Variants in NYAP2 observed in about 807,000 individuals in gnomAD.
NYAP2 encodes the protein neuronal tyrosine-phosphorylated phosphoinositide-3-kinase adaptor 2.
NYAP2 carries 23 observed loss-of-function variants against 50.4 expected under a neutral mutation model. The ratio of observed to expected loss-of-function variants is 0.46; its 90% confidence interval spans 0.33 to 0.65. The LOEUF is 0.65. Among genes scored for constraint, NYAP2 ranks in the 30% least tolerant of loss-of-function variants. The pLI is 0.02. For missense variants in NYAP2, 885 were observed against 861.0 expected (o/e 1.03, Z -0.35); for synonymous variants, 394 against 365.2 (o/e 1.08, Z -0.90).
At chr2:225,635,652 T>C (rs1028680406) in intron 6 of NYAP2, among the ~76,000 whole-genome samples, 1 of 152,206 alleles carries the variant, frequency 6.6e-6, no homozygotes, top group African/African-American at 2.4e-5. Context: ...AGTGCGACAA[T>C]GTATGCTTCA....
intron 3 of NYAP2, among the ~76,000 whole-genome samples, chr2:225,492,009 T>C (rs370675153): frequency 6.6e-6 from 1 of 151,946 alleles, no homozygotes; most frequent in African/African-American, 2.4e-5. Flanking sequence ...ACCCAAGGGG[T>C]GTGGGCTGAG....
intron 5 of NYAP2, among the ~76,000 whole-genome samples, chr2:225,619,219 C>A (rs1387292100): frequency 6.6e-6 from 1 of 152,148 alleles, no homozygotes; most frequent in East Asian, 1.9e-4. Flanking sequence ...GGTTCAGGAA[C>A]CTTGACTAAG....
At chr2:225,666,049 C>A in the NYAP2 span, among the ~76,000 whole-genome samples, 1 of 151,958 alleles carries the variant, frequency 6.6e-6, no homozygotes, top group East Asian at 1.9e-4. Context: ...ACCTTAGATG[C>A]CACAGCTCTG....
At chr2:225,621,061 C>T (rs1436936446) in intron 5 of NYAP2, among the ~76,000 whole-genome samples, 1 of 147,520 alleles carries the variant, frequency 6.8e-6, no homozygotes, top group Admixed American at 6.9e-5. Flanking sequence ...TTGCGGTGAG[C>T]TGAGATCGTG....
chr2:225,627,085 G>A, exon 6 of NYAP2: 5 of 1,595,382 alleles, frequency 3.1e-6, no homozygotes, highest in Non-Finnish European at 4.3e-6. Context: ...CTAGGAAGAT[G>A]CTCTGTGAGC....
intron 5 of NYAP2, among the ~76,000 whole-genome samples, chr2:225,621,878 C>CT (rs1431862373): frequency 6.6e-5 from 10 of 151,960 alleles, no homozygotes; most frequent in Non-Finnish European, 1.3e-4. Context: ...GCCAGAGTTC[C>CT]TTTTTTTGTA....
chr2:225,422,639 C>T (rs1361529905), intron 3 of NYAP2, among the ~76,000 whole-genome samples: 2 of 151,888 alleles, frequency 1.3e-5, no homozygotes, highest in East Asian at 3.9e-4. Context: ...CACACCATTA[C>T]CAACAGTGTC....
At chr2:225,425,082 G>A (rs886781399) in intron 3 of NYAP2, among the ~76,000 whole-genome samples, 3 of 151,964 alleles carry the variant, frequency 2.0e-5, no homozygotes, top group African/African-American at 7.3e-5. Context: ...AAAAGAAATA[G>A]AGCTTTCAGA....
At chr2:225,404,681 A>T (rs1694911029) in intron 2 of NYAP2, among the ~76,000 whole-genome samples, 1 of 152,034 alleles carries the variant, frequency 6.6e-6, no homozygotes, top group South Asian at 2.1e-4. Flanking sequence ...TGTGGTCAAC[A>T]TGATGTAAAT....
rs571691112 is a variant in NYAP2 at position 225,473,259 on chromosome 2, C to T, written c.222-40112C>T. On this transcript the variant is annotated intron_variant, in intron 3 of 6. Coordinates refer to ENST00000636099, the Ensembl canonical transcript of NYAP2. ...GTCTTTGCTATTGTGAATAGTGCCA[C>T]AATAAACATACGTGTGCATGTGTCT... Among the ~76,000 whole-genome samples the T allele has an allele frequency of 2.1e-3, 314 of 152,272 alleles. 2 individuals are homozygous for T. Among genetic ancestry groups the T allele is most frequent in the African/African-American group, 7.1e-3 (293 of 41,536 alleles).
At chr2:225,422,487 A>T (rs917477735) in intron 3 of NYAP2, among the ~76,000 whole-genome samples, 3 of 152,162 alleles carry the variant, frequency 2.0e-5, no homozygotes, top group Admixed American at 6.6e-5. Context: ...AAACAGGTAA[A>T]AGGGAAGAAT....
intron 5 of NYAP2, among the ~76,000 whole-genome samples, chr2:225,615,778 A>C (rs995253392): frequency 2.6e-5 from 4 of 152,190 alleles, no homozygotes; most frequent in African/African-American, 7.2e-5. Context: ...AAGTTTACCT[A>C]CAAGCCCAGG....
Position 225,611,972 on chromosome 2 carries a change from C to T in NYAP2, c.1619-14945C>T, listed in dbSNP as rs191240098. Reference sequence around the variant, plus strand: ...CACTTGTCTTTTATAAAAAATCAATCCAAAAAAATTTCAGAGTAAACTGCT... The same window carrying T: ...CACTTGTCTTTTATAAAAAATCAATTCAAAAAAATTTCAGAGTAAACTGCT... On this transcript the variant is annotated intron_variant, in intron 5 of 6. Transcript: ENST00000636099. Among the ~76,000 whole-genome samples the T allele has an allele frequency of 4.7e-3, 699 of 150,122 alleles. 10 individuals are homozygous for T. Among genetic ancestry groups the T allele is most frequent in the African/African-American group, 0.017 (676 of 40,776 alleles).
intron 4 of NYAP2, among the ~76,000 whole-genome samples, chr2:225,564,697 A>C (rs989176175): frequency 1.3e-5 from 2 of 151,634 alleles, no homozygotes; most frequent in Admixed American, 6.6e-5. Flanking sequence ...AAAAAAAAAA[A>C]CATGCTCACT....
chr2:225,632,809 G>A (rs1693345213), intron 6 of NYAP2, among the ~76,000 whole-genome samples: 1 of 151,956 alleles, frequency 6.6e-6, no homozygotes, highest in African/African-American at 2.4e-5. Context: ...TGGTTTCTGG[G>A]GACACACACA....
At chr2:225,564,865 C>G (rs1165442295) in intron 4 of NYAP2, among the ~76,000 whole-genome samples, 2 of 152,080 alleles carry the variant, frequency 1.3e-5, no homozygotes, top group Non-Finnish European at 2.9e-5. Context: ...CATGGTGGCT[C>G]ACTCCTATAA....
chr2:225,471,697 C>T (rs79984759), intron 3 of NYAP2, among the ~76,000 whole-genome samples: 2,235 of 152,288 alleles, frequency 0.015, 26 homozygotes, highest in Non-Finnish European at 0.023. Flanking sequence ...GTAATCTCCA[C>T]GCATTCCCTG....
chr2:225,473,653 GT>G (rs1486392265), intron 3 of NYAP2, among the ~76,000 whole-genome samples: 3 of 152,242 alleles, frequency 2.0e-5, no homozygotes, highest in Admixed American at 2.0e-4. Flanking sequence ...TGTTGATGGG[GT>G]TGTTTGTTTT....
In NYAP2 at chr2:225,538,834, CTTT is replaced by C. The variant is rs1559208713; in HGVS notation, c.523+25163_523+25165del. Among the ~76,000 whole-genome samples the C allele has an allele frequency of 3.3e-3, 203 of 61,740 alleles. 3 individuals are homozygous for C. The highest frequency in any genetic ancestry group is 0.015 in the Middle Eastern group (2 of 132). The allele number at this position is 61,740 out of a possible 152,430, so 40.5% of individuals were successfully genotyped here. A position where few individuals can be genotyped will look rare whatever the true frequency, so the allele number is the denominator to read the frequency against. ...TCTTTCTTTCTTTCTTTCTTTCTTT[CTTT>C]CTTTCTTTCTTTGTTTTTATTATTA... On this transcript the variant is annotated intron_variant, in intron 4 of 6. Coordinates refer to ENST00000636099, the Ensembl canonical transcript of NYAP2.
Sources: allele counts gnomAD v4.1 joint callset (sites outside exome capture counted in the v4.1 genomes callset), GRCh38; gene constraint gnomAD v4.1.1; transcripts MANE v1.5; gene names NCBI Gene and HGNC (gene_info 2026-07-23, HGNC 2026-07-21).